Variants in PASK observed in about 807,000 individuals in gnomAD.
PASK encodes the protein PAS domain-containing serine/threonine-protein kinase.
PASK carries 110 observed loss-of-function variants against 121.0 expected under a neutral mutation model. That is an observed-to-expected ratio of 0.91 (90% CI 0.78 to 1.06). The LOEUF (loss-of-function observed/expected upper bound fraction) is 1.06, where lower values mean the gene tolerates loss of function less well. Ranked by LOEUF, PASK falls within the 50% of genes least tolerant of loss-of-function variation. The pLI, the probability that PASK is intolerant of heterozygous loss-of-function variation, is 0.00. For missense variants in PASK, 1,643 were observed against 1,702.3 expected, an observed-to-expected ratio of 0.97 and a Z score of 0.61; for synonymous variants, 686 against 717.8, an observed-to-expected ratio of 0.96 and a Z score of 0.71.
chr2:241,115,157 G>A lies in PASK; in HGVS notation c.3219C>T (p.Asn1073=), dbSNP rs779189273. The A allele has an allele frequency of 6.2e-7, 1 of 1,614,020 alleles. No homozygotes were observed. The highest frequency in any genetic ancestry group is 8.5e-7 in the Non-Finnish European group (1 of 1,179,956). ...NIIKVLDIFE[N]QGFFQLVMEK... is the part of the protein sequence containing the mutation. ...CCATCACAAGCTGGAAGAACCCTTG[G>A]TTTTCAAATATATCCAATACCTAGG... is the stretch of plus-strand genomic sequence containing the variant. The change falls in exon 14 of 18, where the codon AAC becomes AAT. Residue 1073 remains asparagine, a synonymous_variant. Transcript: ENST00000234040.
intron 6 of PASK, among the ~76,000 whole-genome samples, 174 bp downstream of exon 6, chr2:241,137,779 C>T (rs1204146629): frequency 6.6e-6 from 1 of 152,212 alleles, no homozygotes; most frequent in African/African-American, 2.4e-5. Context: ...GCTGGGAGAC[C>T]ACATAGGCTC....
intron 12 of PASK, among the ~76,000 whole-genome samples, chr2:241,119,468 CTT>C (rs36113805): frequency 3.3e-4 from 44 of 134,162 alleles, no homozygotes; most frequent in Admixed American, 4.4e-4. Context: ...CAAGATGCTT[CTT>C]TTTTTTTTTT....
chr2:241,149,901 C>A, upstream of PASK: 1 of 1,438,448 alleles, frequency 7.0e-7, no homozygotes, highest in Non-Finnish European at 9.1e-7. Flanking sequence ...CCCACCAGCG[C>A]AAGTGCCCCG....
rs146670435 is a variant in PASK at position 241,114,711 on chromosome 2, G to A, written c.3333+332C>T. ...CGCTGTGCCGCACACATGCCTTTGA[G>A]ACGCTCTCTGGCTGCATCCTAACCC... On this transcript the variant is annotated intron_variant, in intron 14 of 17. Transcript: ENST00000234040. 8.4e-4 allele frequency: 1,114 copies of A among 1,330,880 alleles called. 9 individuals carry two copies. The African/African-American group carries it at 0.015, about 18-fold the overall frequency. 82.4% of individuals were successfully genotyped at this position (1,330,880 alleles called of 1,614,324 possible). A position where few individuals can be genotyped will look rare whatever the true frequency, so the allele number is the denominator to read the frequency against.
At chr2:241,149,619 A>G, upstream of PASK, 1 of 1,533,950 alleles carries the variant, frequency 6.5e-7, no homozygotes, top group Non-Finnish European at 8.7e-7. Flanking sequence ...AAACACCCCT[A>G]CGGCGCTTCG....
Position 241,132,953 on chromosome 2 carries a change from C to T in PASK, c.1384G>A (p.Asp462Asn), listed in dbSNP as rs1220399722. The change falls in exon 9 of 18, where the codon GAC (aspartate) becomes AAC (asparagine). Residue 462 changes from aspartate (D) to asparagine (N), a missense_variant. Physicochemically the swap from Asp to Asn is conservative, Grantham distance 23. Coordinates refer to ENST00000234040, the MANE Select transcript of PASK (RefSeq NM_015148.4). ...TCAGTCTGAGTCCCGGTGAAGATGT[C>T]TTGGCTTTCCATCAGCTTCCGGATC... is the stretch of plus-strand genomic sequence containing the variant. ...DEIRKLMESQ[D>N]IFTGTQTELI... 1 of 1,613,908 alleles carries T rather than the reference C, an allele frequency of 6.2e-7. No homozygotes were observed. Among genetic ancestry groups the T allele is most frequent in the Non-Finnish European group, 8.5e-7 (1 of 1,179,916 alleles).
chr2:241,114,003 A>G (rs1402995363), intron 14 of PASK: 5 of 934,042 alleles, frequency 5.4e-6, no homozygotes, highest in Non-Finnish European at 4.9e-6. Context: ...AAAATTTTAG[A>G]GTATAAACAC....
rs1359591549 is a variant in PASK, at chr2:241,126,715, C to T, written c.2200G>A (p.Val734Ile). 1 of 1,614,064 alleles carries T rather than the reference C, an allele frequency of 6.2e-7. No individual in the cohort carries two copies. The highest frequency in any genetic ancestry group is 8.5e-7 in the Non-Finnish European group (1 of 1,180,054). Reference protein sequence around the residue: ...GGLEAVEAQEVDVNSFSWNLK... With the variant: ...GGLEAVEAQEIDVNSFSWNLK... The stretch of plus-strand genomic sequence containing the variant: ...TTCCAGGAAAACGAATTCACATCAA[C>T]CTCCTGGGCCTCCACTGCTTCCAGG... Residue 734 changes from valine to isoleucine, a missense_variant, in exon 10 of 18, where the codon GTT (valine) becomes ATT (isoleucine). Physicochemically the swap from Val to Ile is conservative, Grantham distance 29 (BLOSUM62 3). Transcript: ENST00000234040.
intron 9 of PASK, among the ~76,000 whole-genome samples, chr2:241,130,788 G>A (rs1371712444): frequency 6.7e-6 from 1 of 148,266 alleles, no homozygotes; most frequent in Non-Finnish European, 1.5e-5. Context: ...AGTGGCCCAT[G>A]AGCTAGGGTG....
At chr2:241,148,044 A>T (rs1055789932) in intron 1 of PASK, among the ~76,000 whole-genome samples, 1 of 152,222 alleles carries the variant, frequency 6.6e-6, no homozygotes, top group African/African-American at 2.4e-5. Flanking sequence ...ACATGACCTT[A>T]GATCACTAAA....
intron 4 of PASK, chr2:241,139,633 A>G (rs1414117362): frequency 2.9e-6 from 2 of 689,062 alleles, no homozygotes; most frequent in Non-Finnish European, 2.7e-6. Flanking sequence ...AGGGCCACCC[A>G]CGACACCTCC....
intron 9 of PASK, among the ~76,000 whole-genome samples, chr2:241,131,649 G>A (rs905207470): frequency 2.6e-5 from 4 of 152,148 alleles, no homozygotes; most frequent in African/African-American, 9.7e-5. Context: ...AGGGCAGCAG[G>A]GTGTAGGGGG....
At chr2:241,115,902 T>C (rs1247255098) in intron 12 of PASK, among the ~76,000 whole-genome samples, 1 of 99,108 alleles carries the variant, frequency 1.0e-5, no homozygotes, top group Non-Finnish European at 1.8e-5. Context: ...CACTCGGTCC[T>C]CAAGCATCCC....
At chr2:241,142,111 A>G (rs1313411351) in intron 2 of PASK, among the ~76,000 whole-genome samples, 1 of 145,510 alleles carries the variant, frequency 6.9e-6, no homozygotes, top group Non-Finnish European at 1.5e-5. Flanking sequence ...CACTCTCCAC[A>G]GGGCCCTCCG....
chr2:241,122,681 G>C (rs780273269), intron 12 of PASK, 51 bp downstream of exon 12: 8 of 1,558,650 alleles, frequency 5.1e-6, no homozygotes, highest in African/African-American at 1.4e-5. Context: ...CAAAAGTCGA[G>C]AGCCATGTGA....
chr2:241,135,450 T>G (rs1034624724), intron 8 of PASK, among the ~76,000 whole-genome samples: 1 of 152,124 alleles, frequency 6.6e-6, no homozygotes, highest in Non-Finnish European at 1.5e-5. Context: ...TTGAAAAGAA[T>G]CTGTGTATAA....
At chr2:241,140,131 G>T in intron 3 of PASK, 76 bp from the exon 4 acceptor site, 1 of 1,183,774 alleles carries the variant, frequency 8.4e-7, no homozygotes, top group Non-Finnish European at 1.2e-6. Flanking sequence ...AGCCCAGGAC[G>T]ACCATGCAGA....
intron 4 of PASK, chr2:241,139,546 T>G (rs766314537): frequency 1.0e-4 from 56 of 549,140 alleles, no homozygotes; most frequent in Non-Finnish European, 1.8e-4. Flanking sequence ...AATAAAACCA[T>G]ATTACTCTTG....
At chr2:241,138,286 C>G (rs547376228) in intron 5 of PASK, among the ~76,000 whole-genome samples, 199 bp from the exon 6 acceptor site, 2 of 152,370 alleles carry the variant, frequency 1.3e-5, no homozygotes, top group East Asian at 3.9e-4. Context: ...AAATTGTGGG[C>G]CTTCTTGTTC....
Sources: gnomAD v4.1 joint callset for allele counts (sites outside exome capture counted in the v4.1 genomes callset) on GRCh38, gnomAD v4.1.1 for gene constraint, MANE v1.5 for transcripts, NCBI Gene and HGNC (gene_info 2026-07-23, HGNC 2026-07-21) for gene names.